Variants in RAPGEF6 observed in about 807,000 individuals in gnomAD.
RAPGEF6 encodes the protein PDZ domain containing guanine nucleotide exchange factor (GEF) 2.
RAPGEF6 carries 56 observed loss-of-function variants against 171.4 expected under a neutral mutation model. That is an observed-to-expected ratio of 0.33 (90% confidence interval 0.26 to 0.41). The LOEUF (loss-of-function observed/expected upper bound fraction) is 0.41. RAPGEF6 is among the 10% of genes least tolerant of loss of function. The pLI, the probability that RAPGEF6 is intolerant of heterozygous loss-of-function variation, is 1.00. For missense variants in RAPGEF6, 1,674 were observed against 1,921.4 expected, an observed-to-expected ratio of 0.87 and a Z score of 2.41; for synonymous variants, 692 against 650.1, an observed-to-expected ratio of 1.06 and a Z score of -0.98.
chr5:131,529,554 T>C lies in RAPGEF6; in HGVS notation c.496-8033A>G, dbSNP rs190816704. Reference sequence around the variant, plus strand: ...GAGAGTACTACTCCAAAAGTGTCAATAGGGGAACAAAACATTAGGCAATCC... The same window carrying C: ...GAGAGTACTACTCCAAAAGTGTCAACAGGGGAACAAAACATTAGGCAATCC... On this transcript the variant is annotated intron_variant, in intron 6 of 27. Coordinates refer to ENST00000509018, the MANE Select transcript of RAPGEF6 (RefSeq NM_016340.6). Among the ~76,000 whole-genome samples the C allele has an allele frequency of 2.7e-5, 4 of 150,436 alleles. No individual in the cohort carries two copies. In the East Asian group the frequency reaches 7.8e-4, roughly 29 times the overall value.
intron 5 of RAPGEF6, 44 bp from the exon 6 acceptor site, chr5:131,548,234 C>T (rs746393243): frequency 1.3e-6 from 2 of 1,597,842 alleles, no homozygotes; most frequent in Non-Finnish European, 1.7e-6. Flanking sequence ...CAAATTTTTC[C>T]ATATTATTGA....
chr5:131,553,559 G>C (rs1443101720), intron 5 of RAPGEF6, among the ~76,000 whole-genome samples: 1 of 151,990 alleles, frequency 6.6e-6, no homozygotes, highest in South Asian at 2.1e-4. Flanking sequence ...ACTGGAAAAG[G>C]TATAGACAAC....
intron 11 of RAPGEF6, among the ~76,000 whole-genome samples, chr5:131,503,927 C>T (rs1260440966): frequency 6.6e-6 from 1 of 152,104 alleles, no homozygotes; most frequent in Non-Finnish European, 1.5e-5. Context: ...TATTTCAGTG[C>T]CACAGAGATC....
At chr5:131,558,291 C>T (rs921865941) in intron 5 of RAPGEF6, among the ~76,000 whole-genome samples, 1 of 150,532 alleles carries the variant, frequency 6.6e-6, no homozygotes, top group African/African-American at 2.4e-5. Context: ...CATACCATCT[C>T]CCTTATTAGC....
intron 6 of RAPGEF6, among the ~76,000 whole-genome samples, chr5:131,539,446 T>C (rs1221528730): frequency 6.6e-6 from 1 of 152,216 alleles, no homozygotes. Flanking sequence ...ATTTAAACTT[T>C]TTGTTTACTG....
chr5:131,471,673 T>C (rs929285427), intron 17 of RAPGEF6, among the ~76,000 whole-genome samples: 3 of 152,208 alleles, frequency 2.0e-5, no homozygotes, highest in Non-Finnish European at 4.4e-5. Flanking sequence ...GTCGAAAGTT[T>C]TCTTCTTTGT....
intron 4 of RAPGEF6, among the ~76,000 whole-genome samples, chr5:131,569,632 A>T (rs1242679143): frequency 1.3e-5 from 2 of 152,238 alleles, no homozygotes; most frequent in African/African-American, 4.8e-5. Context: ...AAGATGAAAT[A>T]ATCGTGAGGT....
chr5:131,436,612 GATA>G (rs541293600), intron 24 of RAPGEF6, among the ~76,000 whole-genome samples: 2,812 of 129,534 alleles, frequency 0.022, 88 homozygotes, highest in African/African-American at 0.11. Context: ...ACAAGCTGGT[GATA>G]AAAATAAAAA....
intron 7 of RAPGEF6, among the ~76,000 whole-genome samples, chr5:131,515,713 T>C (rs1364275496): frequency 2.0e-5 from 3 of 152,142 alleles, no homozygotes; most frequent in Non-Finnish European, 4.4e-5. Context: ...GGAGATAACA[T>C]GAAAATGTCA....
At chr5:131,538,651 T>C (rs762394302) in intron 6 of RAPGEF6, among the ~76,000 whole-genome samples, 11 of 152,204 alleles carry the variant, frequency 7.2e-5, no homozygotes, top group Admixed American at 2.6e-4. Context: ...CCCCCATGGA[T>C]ACTGAGGGAC....
chr5:131,527,929 G>A (rs1192917657), intron 6 of RAPGEF6, among the ~76,000 whole-genome samples: 2 of 149,810 alleles, frequency 1.3e-5, no homozygotes, highest in Non-Finnish European at 3.0e-5. Context: ...GCAGGAGAAT[G>A]GCATGAACCT....
intron 4 of RAPGEF6, among the ~76,000 whole-genome samples, chr5:131,590,968 G>C (rs1023305136): frequency 6.6e-6 from 1 of 152,036 alleles, no homozygotes; most frequent in Admixed American, 6.6e-5. Flanking sequence ...ACAGGGAAAA[G>C]GAACAATGGC....
intron 4 of RAPGEF6, among the ~76,000 whole-genome samples, chr5:131,571,044 A>C (rs1356913364): frequency 6.6e-6 from 1 of 150,602 alleles, no homozygotes; most frequent in Non-Finnish European, 1.5e-5. Context: ...TCCCAGGTTC[A>C]AGCAATTCTC....
intron 16 of RAPGEF6, among the ~76,000 whole-genome samples, chr5:131,478,475 G>T (rs1051943742): frequency 4.6e-5 from 7 of 152,200 alleles, no homozygotes; most frequent in African/African-American, 1.7e-4. Context: ...ATTATCTTTA[G>T]CATAATATTC....
At chr5:131,596,864 G>C (rs1763934677) in intron 3 of RAPGEF6, among the ~76,000 whole-genome samples, 1 of 152,098 alleles carries the variant, frequency 6.6e-6, no homozygotes, top group South Asian at 2.1e-4. Context: ...TCAAAACACA[G>C]GCAACAGAAA....
intron 6 of RAPGEF6, among the ~76,000 whole-genome samples, chr5:131,525,196 T>C (rs755266561): frequency 1.3e-5 from 2 of 151,988 alleles, no homozygotes; most frequent in Non-Finnish European, 2.9e-5. Context: ...AGTATAGACA[T>C]AGAATAATGG....
At chr5:131,614,694 C>T (rs557602796) in intron 1 of RAPGEF6, among the ~76,000 whole-genome samples, 10 of 152,300 alleles carry the variant, frequency 6.6e-5, no homozygotes, top group African/African-American at 1.4e-4. Context: ...CTACAACATA[C>T]GCAATGGACA....
chr5:131,478,452 C>T (rs766040465), intron 16 of RAPGEF6, among the ~76,000 whole-genome samples: 1 of 152,152 alleles, frequency 6.6e-6, no homozygotes, highest in South Asian at 2.1e-4. Context: ...CCTGTCATGA[C>T]ATGATGAAGT....
chr5:131,618,005 C>G (rs898101525), intron 1 of RAPGEF6, among the ~76,000 whole-genome samples: 2 of 152,160 alleles, frequency 1.3e-5, no homozygotes, highest in East Asian at 3.9e-4. Context: ...TTTCTAAATT[C>G]ATTTCTCACT....
Sources: allele counts gnomAD v4.1 joint callset (sites outside exome capture counted in the v4.1 genomes callset), GRCh38; gene constraint gnomAD v4.1.1; transcripts MANE v1.5; gene names NCBI Gene and HGNC (gene_info 2026-07-23, HGNC 2026-07-21).